GALC: variants seen among roughly 807,000 people sequenced by gnomAD.
GALC encodes the protein galactosylceramidase.
A neutral mutation model predicts 91.8 loss-of-function variants in GALC; 77 were observed. That is an observed-to-expected ratio of 0.84 (90% CI 0.70 to 1.01). The LOEUF is 1.01. GALC is among the 50% of genes least tolerant of loss of function. The probability of loss-of-function intolerance (pLI) is 0.00; values close to 1 mark genes in which losing one functional copy is unlikely to be tolerated. For missense variants in GALC, 882 were observed against 855.9 expected (o/e 1.03, Z -0.38); for synonymous variants, 357 against 306.7 (o/e 1.16, Z -1.71).
chr14:87,950,730 A>C lies in GALC; in HGVS notation c.1180T>G (p.Cys394Gly). ...AAATAAGGAAGAAATGGCCGTATGC[A>C]CTTAGAATGTTTATGACTCTGAAAA... ...IETMSHKHSK[C>G]IRPFLPYFNV... The change falls in exon 11 of 17, where the codon TGC becomes GGC. Residue 394 changes from cysteine to glycine, a missense_variant. Cys to Gly is a radical substitution (Grantham distance 159). Coordinates refer to ENST00000261304, the MANE Select transcript of GALC (RefSeq NM_000153.4). The C allele has an allele frequency of 6.3e-7, 1 of 1,588,230 alleles. No homozygotes were observed. Among genetic ancestry groups the C allele is most frequent in the Non-Finnish European group, 8.6e-7 (1 of 1,169,152 alleles).
chr14:87,934,927 C>G (rs754392997), intron 16 of GALC, 49 bp from the exon 17 acceptor site: 22 of 1,390,620 alleles, frequency 1.6e-5, no homozygotes, highest in Non-Finnish European at 2.2e-5. Context: ...AAATGGTCCT[C>G]TGAAGTCTGT....
chr14:87,949,396 G>A (rs943816832), intron 12 of GALC, among the ~76,000 whole-genome samples: 2 of 151,840 alleles, frequency 1.3e-5, no homozygotes, highest in Non-Finnish European at 2.9e-5. Context: ...TGAGCACAGT[G>A]GTCACAAAAA....
chr14:87,940,400 T>C (rs1419596919), intron 15 of GALC, among the ~76,000 whole-genome samples: 1 of 151,812 alleles, frequency 6.6e-6, no homozygotes, highest in Non-Finnish European at 1.5e-5. Context: ...AGGGAGAAAA[T>C]AGTAAGTTAA....
intron 7 of GALC, 90 bp from the exon 8 acceptor site, chr14:87,968,580 G>A: frequency 3.2e-6 from 4 of 1,262,614 alleles, no homozygotes; most frequent in Non-Finnish European, 4.6e-6. Flanking sequence ...AAAAATACGA[G>A]TCTTCTCCAA....
intron 10 of GALC, chr14:87,952,791 A>AAT (rs1885365709): frequency 6.7e-7 from 1 of 1,501,220 alleles, no homozygotes; most frequent in African/African-American, 1.4e-5. Flanking sequence ...TGAAACACAG[A>AAT]ATATAGAATC....
intron 12 of GALC, among the ~76,000 whole-genome samples, chr14:87,948,183 T>G (rs989100444): frequency 6.6e-6 from 1 of 152,070 alleles, no homozygotes; most frequent in African/African-American, 2.4e-5. Context: ...GTAAGCTCCT[T>G]AAAGCTTGGA....
chr14:87,970,507 A>G (rs1018080695), intron 7 of GALC, among the ~76,000 whole-genome samples: 2 of 152,160 alleles, frequency 1.3e-5, no homozygotes, highest in Admixed American at 6.5e-5. Flanking sequence ...TTATTACATG[A>G]TATGAGCAAA....
At chr14:87,935,568 C>A (rs368585) in intron 16 of GALC, among the ~76,000 whole-genome samples, 74,751 of 151,898 alleles carry the variant, frequency 0.49, 19,084 homozygotes, top group African/African-American at 0.6. Context: ...CACCTTCCTC[C>A]GAATGTTGCC....
intron 16 of GALC, 130 bp downstream of exon 16, chr14:87,939,775 G>T: frequency 2.6e-6 from 2 of 761,116 alleles, no homozygotes; most frequent in South Asian, 1.4e-5. Flanking sequence ...TGGCTTCCCG[G>T]CACCAAGGCA....
intron 7 of GALC, among the ~76,000 whole-genome samples, chr14:87,972,674 G>A (rs1049079610): frequency 6.6e-6 from 1 of 152,010 alleles, no homozygotes; most frequent in Non-Finnish European, 1.5e-5. Flanking sequence ...GGCTAAACTA[G>A]AAGGAACATA....
At chr14:87,971,539 C>T (rs868493169) in intron 7 of GALC, among the ~76,000 whole-genome samples, 6 of 152,008 alleles carry the variant, frequency 3.9e-5, no homozygotes, top group African/African-American at 1.2e-4. Context: ...CAATAAAACA[C>T]ATAAATGGAA....
At position 87,993,090 on chromosome 14, in the gene GALC, G is replaced by T. The variant is rs111976362; in HGVS notation, c.75C>A (p.Gly25=). Residue 25 remains glycine, a synonymous_variant, in exon 1 of 17, where the codon GGC becomes GGA. Transcript: ENST00000261304. ...ACAGCAGCAAGGGCACCGCGGCGCG[G>T]CCCGCCGAACCCGCGGCCGCAGTCA... ...KAMTAAAGSA[G]RAAVPLLLCA... 0.14 allele frequency: 219,110 copies of T among 1,576,980 alleles called. 16,523 individuals are homozygous for T. The highest frequency in any genetic ancestry group is 0.17 in the Middle Eastern group (838 of 5,034).
intron 10 of GALC, among the ~76,000 whole-genome samples, chr14:87,958,724 G>T (rs987225532): frequency 6.6e-6 from 1 of 152,018 alleles, no homozygotes; most frequent in African/African-American, 2.4e-5. Flanking sequence ...TTCAACAAAG[G>T]TGCCAAGAAC....
chr14:87,975,321 T>C (rs1327097918), intron 7 of GALC, among the ~76,000 whole-genome samples: 5 of 152,098 alleles, frequency 3.3e-5, no homozygotes, highest in Non-Finnish European at 5.9e-5. Flanking sequence ...AGAATAGATT[T>C]AAATATCAAC....
chr14:87,950,458 C>A (rs1034892809), intron 11 of GALC, among the ~76,000 whole-genome samples: 6 of 151,586 alleles, frequency 4.0e-5, no homozygotes, highest in Non-Finnish European at 7.4e-5. Flanking sequence ...CTCAAAGTCA[C>A]AGAGCATTTT....
chr14:87,953,969 T>G, intron 10 of GALC: 6 of 1,609,364 alleles, frequency 3.7e-6, no homozygotes, highest in Non-Finnish European at 5.1e-6. Context: ...CTGCAGCATT[T>G]TGGGCATATA....
intron 10 of GALC, chr14:87,952,951 C>A: frequency 1.1e-6 from 1 of 888,054 alleles, no homozygotes; most frequent in South Asian, 1.3e-5. Context: ...AAACATCAGT[C>A]AGATATCTGT....
At chr14:87,946,052 T>A (rs1226800223) in intron 13 of GALC, among the ~76,000 whole-genome samples, 4 of 151,982 alleles carry the variant, frequency 2.6e-5, no homozygotes, top group African/African-American at 9.7e-5. Flanking sequence ...GACAAGCTAT[T>A]TAACTGCCCT....
chr14:87,982,536 A>G (rs1886793470), intron 5 of GALC, among the ~76,000 whole-genome samples: 1 of 152,246 alleles, frequency 6.6e-6, no homozygotes, highest in Non-Finnish European at 1.5e-5. Flanking sequence ...TTCAACACAT[A>G]CTGACAGTAC....
Sources: allele counts gnomAD v4.1 joint callset (sites outside exome capture counted in the v4.1 genomes callset), GRCh38; gene constraint gnomAD v4.1.1; transcripts MANE v1.5; gene names NCBI Gene and HGNC (gene_info 2026-07-23, HGNC 2026-07-21).